The following SLC16A7 variants were observed in gnomAD, a reference collection of about 807,000 sequenced individuals.
The protein encoded by SLC16A7 is monocarboxylate transporter 2.
A neutral mutation model predicts 34.9 loss-of-function variants in SLC16A7; 33 were observed. That is an observed-to-expected ratio of 0.94 (90% CI 0.72 to 1.26). The LOEUF (loss-of-function observed/expected upper bound fraction) is 1.26, where lower values mean the gene tolerates loss of function less well. Ranked by LOEUF, SLC16A7 falls within the 50% of genes most tolerant of loss-of-function variation. SLC16A7 has a pLI of 0.00. For synonymous variants in SLC16A7, 201 were observed against 206.6 expected, an observed-to-expected ratio of 0.97 and a Z score of 0.23; for missense variants, 573 against 578.1, an observed-to-expected ratio of 0.99 and a Z score of 0.09.
intron 2 of SLC16A7, among the ~76,000 whole-genome samples, chr12:59,695,883 G>A (rs1326935176): frequency 2.6e-5 from 4 of 152,008 alleles, no homozygotes; most frequent in African/African-American, 4.8e-5. Context: ...ATTTGATTAG[G>A]AAGTGTGAAT....
intron 2 of SLC16A7, among the ~76,000 whole-genome samples, chr12:59,689,969 G>A (rs1431234928): frequency 6.6e-6 from 1 of 151,986 alleles, no homozygotes; most frequent in African/African-American, 2.4e-5. Context: ...TCTCTATGAT[G>A]CTTCCAACCC....
chr12:59,616,360 A>T (rs1807570241), intron 1 of SLC16A7, among the ~76,000 whole-genome samples: 1 of 152,132 alleles, frequency 6.6e-6, no homozygotes, highest in Non-Finnish European at 1.5e-5. Context: ...GAATGATAAC[A>T]ATTAAAAAAT....
chr12:59,784,261 C>T lies in SLC16A7; in HGVS notation c.*4582C>T, dbSNP rs887864970. Reference sequence around the variant, plus strand: ...TGATGTGCACCTGTAGTCCCAGCTACTCGGGAGGCTGAGACGAGAGGGTCA... The same window carrying T: ...TGATGTGCACCTGTAGTCCCAGCTATTCGGGAGGCTGAGACGAGAGGGTCA... On this transcript the variant is annotated 3_prime_UTR_variant, in exon 6 of 6. Coordinates refer to ENST00000547379, the MANE Select transcript of SLC16A7 (RefSeq NM_001270623.2). 4 of 152,004 alleles carry T rather than the reference C, an allele frequency of 2.6e-5. No homozygotes were observed. The highest frequency in any genetic ancestry group is 9.7e-5 in the African/African-American group (4 of 41,442). 9.4% of individuals were successfully genotyped at this position (152,004 alleles called of 1,614,324 possible).
intron 2 of SLC16A7, among the ~76,000 whole-genome samples, chr12:59,690,240 A>G (rs190655374): frequency 1.1e-4 from 17 of 152,130 alleles, no homozygotes; most frequent in African/African-American, 3.9e-4. Flanking sequence ...GGACATGAAA[A>G]TCATATTTAA....
rs568458896 is a variant in SLC16A7, at chr12:59,751,173, C to T, written c.218-20046C>T. 1.1e-3 allele frequency among the ~76,000 whole-genome samples: 173 copies of T among 152,286 alleles called. 2 individuals are homozygous for T. Among genetic ancestry groups the T allele is most frequent in the African/African-American group, 3.7e-3 (152 of 41,554 alleles). Reference sequence around the variant, plus strand: ...TCCGGTCTACAGCTCCCATCGTGAGCGACGCAGAAGACGGGTGATTTCTGC... The same window carrying T: ...TCCGGTCTACAGCTCCCATCGTGAGTGACGCAGAAGACGGGTGATTTCTGC... On this transcript the variant is annotated intron_variant, in intron 3 of 5. Coordinates refer to ENST00000547379, the MANE Select transcript of SLC16A7 (RefSeq NM_001270623.2).
chr12:59,642,564 G>A (rs1880733249), intron 1 of SLC16A7, among the ~76,000 whole-genome samples: 1 of 152,052 alleles, frequency 6.6e-6, no homozygotes, highest in African/African-American at 2.4e-5. Flanking sequence ...ATTAGTGGAT[G>A]AATAAAAGTT....
intron 2 of SLC16A7, among the ~76,000 whole-genome samples, chr12:59,659,285 G>A (rs897433152): frequency 1.3e-5 from 2 of 151,970 alleles, no homozygotes; most frequent in African/African-American, 4.8e-5. Flanking sequence ...CTATTTAGCA[G>A]GTATGAGTAC....
rs544953382 is a variant in SLC16A7 at position 59,742,621 on chromosome 12, G to T, written c.218-28598G>T. 3.8e-3 allele frequency among the ~76,000 whole-genome samples: 582 copies of T among 152,246 alleles called. 4 individuals are homozygous for T. Among genetic ancestry groups the T allele is most frequent in the Non-Finnish European group, 7.0e-3 (478 of 68,026 alleles). ...AAAGCTGTTGAAAATGTATAGAGAGGTTTGAAACAATCAGGCATCTGTAGA... is the reference window on the plus strand; with the variant it reads ...AAAGCTGTTGAAAATGTATAGAGAGTTTTGAAACAATCAGGCATCTGTAGA... On this transcript the variant is annotated intron_variant, in intron 3 of 5. Coordinates refer to ENST00000547379, the MANE Select transcript of SLC16A7 (RefSeq NM_001270623.2).
At chr12:59,746,267 T>G (rs913099169) in intron 3 of SLC16A7, among the ~76,000 whole-genome samples, 1 of 152,254 alleles carries the variant, frequency 6.6e-6, no homozygotes, top group Non-Finnish European at 1.5e-5. Flanking sequence ...AGATGATGTC[T>G]GGCTTTCAGG....
At chr12:59,778,200 A>G (rs1271527044) in intron 5 of SLC16A7, among the ~76,000 whole-genome samples, 1 of 152,128 alleles carries the variant, frequency 6.6e-6, no homozygotes, top group Non-Finnish European at 1.5e-5. Context: ...TTTTATATTT[A>G]GAAGTATAAT....
intron 2 of SLC16A7, among the ~76,000 whole-genome samples, chr12:59,675,951 T>G (rs988455685): frequency 6.6e-6 from 1 of 152,148 alleles, no homozygotes; most frequent in African/African-American, 2.4e-5. Flanking sequence ...GACTAAATAT[T>G]TCTTTAAATC....
chr12:59,633,019 C>T (rs748839609), intron 1 of SLC16A7, among the ~76,000 whole-genome samples: 1 of 151,924 alleles, frequency 6.6e-6, no homozygotes, highest in Non-Finnish European at 1.5e-5. Flanking sequence ...ACCCGACTTC[C>T]AGGCCTTGGT....
intron 2 of SLC16A7, among the ~76,000 whole-genome samples, chr12:59,685,407 GT>G (rs1170888484): frequency 6.6e-6 from 1 of 152,042 alleles, no homozygotes; most frequent in Non-Finnish European, 1.5e-5. Context: ...ACATTAATGG[GT>G]TTTTTTGATC....
At position 59,690,096 on chromosome 12, in the gene SLC16A7, A is replaced by G. The variant is rs942693648; in HGVS notation, c.-30-14676A>G. Reference sequence around the variant, plus strand: ...GAAAAACAAAAACAAAACGGGATATACACACAATGATTGTTATCATCCTCT... The same window carrying G: ...GAAAAACAAAAACAAAACGGGATATGCACACAATGATTGTTATCATCCTCT... On this transcript the variant is annotated intron_variant, in intron 2 of 5. Transcript: ENST00000547379. 2.0e-5 allele frequency among the ~76,000 whole-genome samples: 3 copies of G among 152,022 alleles called. No homozygotes were observed. The East Asian group carries it at 5.8e-4, about 29-fold the overall frequency.
At chr12:59,767,844 C>T (rs191044603) in intron 3 of SLC16A7, among the ~76,000 whole-genome samples, 3 of 146,610 alleles carry the variant, frequency 2.0e-5, no homozygotes, top group Admixed American at 1.5e-4. Flanking sequence ...ATCGCAAGGA[C>T]AAAAAACCAA....
At chr12:59,677,913 G>T (rs1184629409) in intron 2 of SLC16A7, among the ~76,000 whole-genome samples, 1 of 152,192 alleles carries the variant, frequency 6.6e-6, no homozygotes, top group Non-Finnish European at 1.5e-5. Flanking sequence ...AACCTCTGTG[G>T]CTGGTGGCAC....
chr12:59,682,466 CTG>C (rs1870816394), intron 2 of SLC16A7, among the ~76,000 whole-genome samples: 1 of 152,080 alleles, frequency 6.6e-6, no homozygotes, highest in South Asian at 2.1e-4. Context: ...GATTTATTCA[CTG>C]TTCATGGTCT....
chr12:59,672,656 C>A (rs908176408), intron 2 of SLC16A7, among the ~76,000 whole-genome samples: 8 of 152,148 alleles, frequency 5.3e-5, no homozygotes, highest in African/African-American at 1.9e-4. Context: ...TCAGATGTTT[C>A]TATCACCATG....
chr12:59,731,239 C>T (rs1876916839), intron 3 of SLC16A7, among the ~76,000 whole-genome samples: 1 of 152,078 alleles, frequency 6.6e-6, no homozygotes, highest in Non-Finnish European at 1.5e-5. Context: ...TTAAGAAAAT[C>T]ATGAGTTAAG....
Sources: allele counts gnomAD v4.1 joint callset (sites outside exome capture counted in the v4.1 genomes callset), GRCh38; gene constraint gnomAD v4.1.1; transcripts MANE v1.5; gene names NCBI Gene and HGNC (gene_info 2026-07-23, HGNC 2026-07-21).